SLC3A1: variants seen among roughly 807,000 people sequenced by gnomAD.
SLC3A1 encodes amino acid transporter heavy chain SLC3A1.
Under a neutral mutation model 60.3 loss-of-function variants are expected in SLC3A1, and 78 were observed. The observed-to-expected ratio is 1.29, with a 90% CI of 1.08 to 1.56. SLC3A1 has a LOEUF of 1.56. Ranked by LOEUF, SLC3A1 falls within the 40% of genes most tolerant of loss-of-function variation. SLC3A1 has a pLI of 0.00. For synonymous variants in SLC3A1, 392 were observed against 307.9 expected (o/e 1.27, Z -2.86); for missense variants, 1,172 against 858.9 (o/e 1.36, Z -4.56).
At chr2:44,281,579 G>T in intron 3 of SLC3A1, 38 bp downstream of exon 3, 1 of 1,599,044 alleles carries the variant, frequency 6.3e-7, no homozygotes, top group South Asian at 1.1e-5. Flanking sequence ...AGGGGTAAAA[G>T]GCAGATATGT....
intron 9 of SLC3A1, 156 bp downstream of exon 9, chr2:44,314,107 A>ATTTTCACAAAGGCATGATTTAC: frequency 6.6e-7 from 1 of 1,516,616 alleles, no homozygotes; most frequent in Non-Finnish European, 8.9e-7. Context: ...AGGAGTTTGT[A>ATTTTCACAAAGGCATGATTTAC]AATCATGCCT....
downstream of SLC3A1, chr2:44,321,508 G>C (rs1382993548): frequency 1.1e-5 from 18 of 1,573,874 alleles, no homozygotes; most frequent in Non-Finnish European, 1.6e-5. Flanking sequence ...CACTGTTTAA[G>C]CTTCTCTTTA....
At chr2:44,322,047 G>C (rs1418700180), downstream of SLC3A1, 7 of 760,268 alleles carry the variant, frequency 9.2e-6, no homozygotes, top group African/African-American at 1.8e-5. Flanking sequence ...TCAACAAAAA[G>C]ATGGGAGGGG....
chr2:44,298,665 G>C (rs4284876), intron 4 of SLC3A1, among the ~76,000 whole-genome samples: 1 of 151,826 alleles, frequency 6.6e-6, no homozygotes, highest in Non-Finnish European at 1.5e-5. Flanking sequence ...GGCGTGAGCC[G>C]CTGCGCCCGG....
chr2:44,286,202 A>T, intron 4 of SLC3A1, 45 bp downstream of exon 4: 2 of 1,589,570 alleles, frequency 1.3e-6, no homozygotes, highest in South Asian at 2.2e-5. Flanking sequence ...ATGGAGGTTT[A>T]GGTATTTATT....
At chr2:44,319,429 C>T (rs1672732920) in intron 9 of SLC3A1, 2 of 152,350 alleles carry the variant, frequency 1.3e-5, no homozygotes, top group Non-Finnish European at 1.5e-5. Context: ...GAAACACTAT[C>T]GTCAAAATGA....
intron 6 of SLC3A1, among the ~76,000 whole-genome samples, chr2:44,302,934 C>G (rs909812599): frequency 6.6e-6 from 1 of 152,064 alleles, no homozygotes; most frequent in Admixed American, 6.6e-5. Flanking sequence ...TGCGGTGGCT[C>G]ATGCCTGTAA....
At position 44,314,156 on chromosome 2, in the gene SLC3A1, G is replaced by C. The variant is rs111395633; in HGVS notation, c.1617+205G>C. On this transcript the variant is annotated intron_variant, in intron 9 of 9. Coordinates refer to ENST00000260649, the MANE Select transcript of SLC3A1 (RefSeq NM_000341.4). Reference sequence around the variant, plus strand: ...AACTGGTACAAATCTACCAAGTGAAGTGAAGTATCATATAGAATATACAAG... The same window carrying C: ...AACTGGTACAAATCTACCAAGTGAACTGAAGTATCATATAGAATATACAAG... 28 of 1,259,662 alleles carry C rather than the reference G, an allele frequency of 2.2e-5. No individual in the cohort carries two copies. In the African/African-American group the frequency reaches 2.8e-4, roughly 13 times the overall value. The allele number at this position is 1,259,662 out of a possible 1,614,324, so 78.0% of individuals were successfully genotyped here.
chr2:44,301,938 C>G (rs1672022230), intron 6 of SLC3A1, among the ~76,000 whole-genome samples: 1 of 152,036 alleles, frequency 6.6e-6, no homozygotes, highest in South Asian at 2.1e-4. Flanking sequence ...GCCTGTAATA[C>G]CAGCTACTCG....
chr2:44,297,480 C>T (rs995877176), intron 4 of SLC3A1, among the ~76,000 whole-genome samples: 9 of 152,182 alleles, frequency 5.9e-5, no homozygotes, highest in African/African-American at 1.9e-4. Flanking sequence ...AGCTCTAGCT[C>T]TTCCTTCTCC....
intron 1 of SLC3A1, among the ~76,000 whole-genome samples, chr2:44,276,645 G>C (rs1671348260): frequency 6.6e-6 from 1 of 151,884 alleles, no homozygotes; most frequent in South Asian, 2.1e-4. Flanking sequence ...AGGATCGCTT[G>C]AGCCCAGGAG....
chr2:44,275,531 G>C lies in SLC3A1; in HGVS notation c.-5G>C. 6.2e-7 allele frequency: 1 copy of C among 1,613,710 alleles called. No individual in the cohort carries two copies. On this transcript the variant is annotated 5_prime_UTR_variant, in exon 1 of 10. Coordinates refer to ENST00000260649, the MANE Select transcript of SLC3A1 (RefSeq NM_000341.4). ...AGGCACTCCGAAGACATAAGTCGGT[G>C]AGACATGGCTGAAGATAAAAGCAAG...
intron 1 of SLC3A1, among the ~76,000 whole-genome samples, chr2:44,278,878 C>T (rs1330752961): frequency 6.6e-6 from 1 of 152,162 alleles, no homozygotes; most frequent in Admixed American, 6.5e-5. Flanking sequence ...ACAAAGACTC[C>T]TCAAATATTG....
chr2:44,303,888 T>C (rs968990262), intron 6 of SLC3A1: 23 of 593,644 alleles, frequency 3.9e-5, no homozygotes, highest in Admixed American at 1.8e-4. Flanking sequence ...GCTTCATCCA[T>C]GTCCCTGCAA....
intron 4 of SLC3A1, among the ~76,000 whole-genome samples, chr2:44,298,765 C>T (rs542037774): frequency 4.6e-5 from 7 of 152,298 alleles, no homozygotes; most frequent in African/African-American, 1.7e-4. Flanking sequence ...CACGATGATG[C>T]TCTCAGGAGC....
At chr2:44,288,152 G>A (rs1384506666) in intron 4 of SLC3A1, among the ~76,000 whole-genome samples, 1 of 151,322 alleles carries the variant, frequency 6.6e-6, no homozygotes, top group Non-Finnish European at 1.5e-5. Context: ...CTCAGCCTCC[G>A]AGTAGCTGGG....
At chr2:44,297,330 G>T (rs1466101390) in intron 4 of SLC3A1, among the ~76,000 whole-genome samples, 1 of 152,142 alleles carries the variant, frequency 6.6e-6, no homozygotes, top group East Asian at 1.9e-4. Flanking sequence ...GGTAGCTGAG[G>T]CTCAGGACCT....
intron 4 of SLC3A1, among the ~76,000 whole-genome samples, chr2:44,297,266 G>T (rs1171314756): frequency 6.6e-6 from 1 of 152,216 alleles, no homozygotes; most frequent in Non-Finnish European, 1.5e-5. Context: ...TTGTGAGCAG[G>T]TGCCGGAGCC....
rs371537299 is a variant in SLC3A1, at chr2:44,320,222, G to T, written c.1641G>T (p.Ser547=). 30 of 1,613,660 alleles carry T rather than the reference G, an allele frequency of 1.9e-5. No homozygotes were observed. The highest frequency in any genetic ancestry group is 2.5e-5 in the Non-Finnish European group (30 of 1,179,818). The change falls in exon 10 of 10, where the codon TCG becomes TCT. Residue 547 remains serine, a synonymous_variant. Coordinates refer to ENST00000260649, the MANE Select transcript of SLC3A1 (RefSeq NM_000341.4). ...NVDVQKTQPR[S]ALKLYQDLSL... ...AGGTCCAAAAGACTCAGCCCAGATC[G>T]GCTTTGAAGTTATATCAAGATTTAA...
Sources: gnomAD v4.1 joint callset for allele counts (sites outside exome capture counted in the v4.1 genomes callset) on GRCh38, gnomAD v4.1.1 for gene constraint, MANE v1.5 for transcripts, NCBI Gene and HGNC (gene_info 2026-07-23, HGNC 2026-07-21) for gene names.